Variants in TMEM161B observed in about 807,000 individuals in gnomAD.
The protein encoded by TMEM161B is transmembrane protein 161B.
TMEM161B carries 34 observed loss-of-function variants against 61.8 expected under a neutral mutation model. The observed-to-expected ratio is 0.55, with a 90% confidence interval of 0.42 to 0.73. The LOEUF (loss-of-function observed/expected upper bound fraction) is 0.73. TMEM161B is among the 30% of genes least tolerant of loss of function. The probability of loss-of-function intolerance (pLI) is 0.00; values close to 1 mark genes in which losing one functional copy is unlikely to be tolerated. For missense variants in TMEM161B, 456 were observed against 558.5 expected (o/e 0.82, Z 1.85); for synonymous variants, 167 against 192.8 (o/e 0.87, Z 1.11).
chr5:88,268,097 C>G (rs762615620), intron 1 of TMEM161B, among the ~76,000 whole-genome samples: 1 of 152,290 alleles, frequency 6.6e-6, no homozygotes, highest in East Asian at 1.9e-4. Flanking sequence ...AAGGTGCATG[C>G]AAATCTTACG....
intron 1 of TMEM161B, among the ~76,000 whole-genome samples, chr5:88,264,127 T>G (rs1461639597): frequency 2.0e-5 from 3 of 151,950 alleles, no homozygotes; most frequent in Non-Finnish European, 4.4e-5. Flanking sequence ...AACTCTTAAC[T>G]GCATCCAGTG....
intron 1 of TMEM161B, among the ~76,000 whole-genome samples, chr5:88,262,548 G>A (rs926821736): frequency 2.0e-5 from 3 of 152,024 alleles, no homozygotes; most frequent in African/African-American, 7.2e-5. Flanking sequence ...ATCAGACAAT[G>A]GAATATTATT....
downstream of TMEM161B, among the ~76,000 whole-genome samples, chr5:88,191,046 T>C (rs904979056): frequency 1.3e-5 from 2 of 152,200 alleles, no homozygotes; most frequent in Non-Finnish European, 2.9e-5. Flanking sequence ...CATTCAATAA[T>C]TGTTTTTTGT....
chr5:88,199,868 T>C (rs1170642671), intron 9 of TMEM161B: 4 of 152,084 alleles, frequency 2.6e-5, no homozygotes, highest in Non-Finnish European at 5.9e-5. Context: ...TAAAAGACCA[T>C]GGGTTTCTGC....
At chr5:88,229,598 C>A (rs949234932) in intron 2 of TMEM161B, among the ~76,000 whole-genome samples, 6 of 150,372 alleles carry the variant, frequency 4.0e-5, no homozygotes, top group African/African-American at 1.5e-4. Context: ...AGGCTCCTCA[C>A]AGGGAAAAGC....
chr5:88,228,725 C>A (rs111572792), intron 2 of TMEM161B, among the ~76,000 whole-genome samples, 197 bp from the exon 3 acceptor site: 8 of 152,230 alleles, frequency 5.3e-5, no homozygotes, highest in African/African-American at 1.7e-4. Flanking sequence ...ACTTAACCAA[C>A]CACTTACTAG....
chr5:88,208,351 G>A (rs1298926134), intron 5 of TMEM161B, among the ~76,000 whole-genome samples: 2 of 152,156 alleles, frequency 1.3e-5, no homozygotes, highest in African/African-American at 4.8e-5. Flanking sequence ...GCATGGGGGC[G>A]GGCGCCTGTA....
chr5:88,228,379 G>A, intron 3 of TMEM161B, 66 bp downstream of exon 3: 7 of 1,180,326 alleles, frequency 5.9e-6, no homozygotes, highest in Non-Finnish European at 8.4e-6. Context: ...TTTAATCAAA[G>A]CATAAAAATG....
intron 4 of TMEM161B, chr5:88,221,640 T>C (rs1183691274): frequency 2.2e-6 from 1 of 452,862 alleles, no homozygotes; most frequent in East Asian, 7.0e-5. Flanking sequence ...ACATTGAAAT[T>C]AACATTCTTT....
intron 2 of TMEM161B, among the ~76,000 whole-genome samples, chr5:88,239,495 T>C (rs1456970849): frequency 6.6e-6 from 1 of 152,014 alleles, no homozygotes; most frequent in African/African-American, 2.4e-5. Context: ...TAAACAAGAT[T>C]GCACAGGCAT....
chr5:88,226,725 A>G (rs559978660), intron 3 of TMEM161B, among the ~76,000 whole-genome samples: 3 of 152,232 alleles, frequency 2.0e-5, no homozygotes, highest in Admixed American at 2.0e-4. Flanking sequence ...GTTACTAGGA[A>G]CAAGGCAGCA....
intron 1 of TMEM161B, among the ~76,000 whole-genome samples, chr5:88,256,893 T>C (rs1018533171): frequency 3.3e-5 from 5 of 152,252 alleles, no homozygotes; most frequent in Admixed American, 2.0e-4. Flanking sequence ...GACAATATAT[T>C]GTGCTTTCTC....
At chr5:88,254,911 T>C (rs1053860525) in intron 1 of TMEM161B, among the ~76,000 whole-genome samples, 6 of 147,900 alleles carry the variant, frequency 4.1e-5, no homozygotes, top group African/African-American at 4.9e-5. Context: ...GTTACAAGAA[T>C]AGGAAAATCC....
intron 1 of TMEM161B, among the ~76,000 whole-genome samples, chr5:88,267,678 T>C (rs544796283): frequency 3.3e-5 from 5 of 152,132 alleles, no homozygotes; most frequent in Non-Finnish European, 7.4e-5. Flanking sequence ...TCTGAGAAAT[T>C]GGCTTACTGC....
At chr5:88,190,600 G>A (rs1327815352), downstream of TMEM161B, among the ~76,000 whole-genome samples, 3 of 152,316 alleles carry the variant, frequency 2.0e-5, no homozygotes, top group East Asian at 5.8e-4. Context: ...CTCTGAGTCA[G>A]TGCGGGAATT....
At chr5:88,246,455 T>C (rs1753632430) in intron 1 of TMEM161B, among the ~76,000 whole-genome samples, 1 of 151,852 alleles carries the variant, frequency 6.6e-6, no homozygotes, top group Non-Finnish European at 1.5e-5. Context: ...GAGAATTATA[T>C]GTATTATCAA....
chr5:88,197,717 C>T lies in TMEM161B; in HGVS notation c.1138G>A (p.Ala380Thr). Residue 380 changes from alanine to threonine, a missense_variant, in exon 11 of 12, where the codon GCG becomes ACG. By Grantham distance (58) the Ala-to-Thr change is moderately conservative. Around this residue, in one of 3 missense-constraint regions of TMEM161B, gnomAD observed 367 missense variants for 427.3 expected, o/e 0.86. Coordinates refer to ENST00000296595, the MANE Select transcript of TMEM161B (RefSeq NM_153354.5). ...GTGTGAAGCAGCATTACCAGAGGCG[C>T]CACATACTGCAGTGCAATGACACAA... The part of the protein sequence containing the change: ...YLCVIALQYV[A>T]PLVMLLHTTL... 6.2e-7 allele frequency: 1 copy of T among 1,612,952 alleles called. No homozygotes were observed. Among genetic ancestry groups the T allele is most frequent in the South Asian group, 1.1e-5 (1 of 90,996 alleles).
At chr5:88,231,969 C>T (rs1751059287) in intron 2 of TMEM161B, among the ~76,000 whole-genome samples, 2 of 152,138 alleles carry the variant, frequency 1.3e-5, no homozygotes, top group South Asian at 2.1e-4. Flanking sequence ...GCAAAGCTTA[C>T]CTAATACCAG....
chr5:88,219,917 G>C (rs977747081), intron 5 of TMEM161B, among the ~76,000 whole-genome samples: 3 of 151,950 alleles, frequency 2.0e-5, no homozygotes, highest in Non-Finnish European at 4.4e-5. Flanking sequence ...TTGGAAGACA[G>C]TGAAGAAAGT....
Sources: gnomAD v4.1 joint callset for allele counts (sites outside exome capture counted in the v4.1 genomes callset) on GRCh38, gnomAD v4.1.1 for gene constraint, gnomAD v4.1.1 regional missense constraint, MANE v1.5 for transcripts, NCBI Gene and HGNC (gene_info 2026-07-23, HGNC 2026-07-21) for gene names.